The following DGKB variants were observed in gnomAD, a reference collection of about 807,000 sequenced individuals.
DGKB encodes the protein diacylglycerol kinase beta, also known as 90 kDa diacylglycerol kinase.
A neutral mutation model predicts 114.3 loss-of-function variants in DGKB; 67 were observed. The ratio of observed to expected loss-of-function variants is 0.59; its 90% CI spans 0.48 to 0.72. The LOEUF (loss-of-function observed/expected upper bound fraction) is 0.72. Ranked by LOEUF, DGKB falls within the 30% of genes least tolerant of loss-of-function variation. The pLI is 0.00. For synonymous variants in DGKB, 398 were observed against 323.1 expected (o/e 1.23, Z -2.49); for missense variants, 907 against 975.2 (o/e 0.93, Z 0.93).
In DGKB at chr7:14,512,416, T is replaced by G. The variant is rs183024464; in HGVS notation, c.1771-34191A>C. On this transcript the variant is annotated intron_variant, in intron 20 of 25. Coordinates refer to ENST00000402815, the MANE Select transcript of DGKB (RefSeq NM_001350709.2). ...GAATTTTCTCTATCAGAACTATGTTTTTCTTGTAGTATATTAACATGTTAA... is the reference window on the plus strand; with the variant it reads ...GAATTTTCTCTATCAGAACTATGTTGTTCTTGTAGTATATTAACATGTTAA... Among the ~76,000 whole-genome samples, 63 of 152,320 alleles carry G rather than the reference T, an allele frequency of 4.1e-4. 2 individuals carry two copies. The highest frequency in any genetic ancestry group is 1.4e-3 in the African/African-American group (59 of 41,576).
chr7:14,254,808 A>G (rs1795728414), intron 23 of DGKB, among the ~76,000 whole-genome samples: 2 of 152,194 alleles, frequency 1.3e-5, no homozygotes, highest in South Asian at 4.1e-4. Flanking sequence ...GAAATAAAAA[A>G]TAGAACCCAT....
intron 21 of DGKB, among the ~76,000 whole-genome samples, chr7:14,400,243 A>G (rs533757208): frequency 6.6e-6 from 1 of 151,934 alleles, no homozygotes; most frequent in African/African-American, 2.4e-5. Context: ...AGTCAGAATA[A>G]CCCACAGACT....
intron 23 of DGKB, among the ~76,000 whole-genome samples, chr7:14,242,866 G>GTTT (rs10656701): frequency 0.12 from 18,158 of 146,038 alleles, 1,227 homozygotes; most frequent in East Asian, 0.21. Context: ...TATGAAGGCT[G>GTTT]TTTTTTTTTT....
rs911453973 is a variant in DGKB, at chr7:14,429,930, C to G, written c.1835+48231G>C. ...CTACAGAGTGAGACTCTGTCCCCCC[C>G]CCCAAAAAAAAGGCAAAATGTATTT... On this transcript the variant is annotated intron_variant, in intron 21 of 25. Coordinates refer to ENST00000402815, the MANE Select transcript of DGKB (RefSeq NM_001350709.2). 5.3e-5 allele frequency among the ~76,000 whole-genome samples: 8 copies of G among 151,874 alleles called. No homozygotes were observed. The East Asian group carries it at 7.8e-4, about 15-fold the overall frequency.
intron 23 of DGKB, among the ~76,000 whole-genome samples, chr7:14,187,187 C>T (rs2128261669): frequency 6.6e-6 from 1 of 152,218 alleles, no homozygotes; most frequent in Admixed American, 6.5e-5. Context: ...TTTATAATAC[C>T]ATGTGGGGTA....
chr7:14,678,199 G>C (rs1466387386), intron 12 of DGKB, among the ~76,000 whole-genome samples: 2 of 152,006 alleles, frequency 1.3e-5, no homozygotes, highest in Non-Finnish European at 2.9e-5. Flanking sequence ...AGAACTTCAG[G>C]TGATTAGGAA....
At chr7:14,203,405 T>A (rs1448534869) in intron 23 of DGKB, among the ~76,000 whole-genome samples, 1 of 151,996 alleles carries the variant, frequency 6.6e-6, no homozygotes, top group East Asian at 1.9e-4. Flanking sequence ...TCTATTCTGA[T>A]GATGAATATA....
intron 23 of DGKB, among the ~76,000 whole-genome samples, chr7:14,273,778 A>T (rs1236654472): frequency 6.6e-6 from 1 of 152,204 alleles, no homozygotes; most frequent in Non-Finnish European, 1.5e-5. Context: ...ACTAGTAAGT[A>T]GCTTTAAGTT....
chr7:14,209,564 TG>T, intron 23 of DGKB: 1 of 492,508 alleles, frequency 2.0e-6, no homozygotes, highest in Non-Finnish European at 4.2e-6. Context: ...TAATTTAAAA[TG>T]GGGGCTCCAG....
chr7:14,970,977 A>G (rs772460170), intron 1 of DGKB, among the ~76,000 whole-genome samples: 10 of 152,296 alleles, frequency 6.6e-5, no homozygotes, highest in Non-Finnish European at 1.3e-4. Flanking sequence ...GTAAAGCCCT[A>G]AAGTTTCAAA....
chr7:14,760,139 G>T (rs950045253), intron 2 of DGKB, among the ~76,000 whole-genome samples: 5 of 152,086 alleles, frequency 3.3e-5, no homozygotes, highest in Non-Finnish European at 4.4e-5. Flanking sequence ...TCTGGGGGGT[G>T]TGTGTGTACG....
At chr7:14,410,015 G>T (rs893437378) in intron 21 of DGKB, among the ~76,000 whole-genome samples, 59 of 152,068 alleles carry the variant, frequency 3.9e-4, no homozygotes, top group African/African-American at 1.3e-3. Context: ...TTAAATTTGG[G>T]AGGGATTCAA....
Position 14,949,861 on chromosome 7 carries a change from C to A in DGKB, c.-188+24835G>T, listed in dbSNP as rs901209574. On this transcript the variant is annotated intron_variant, in intron 1 of 4. Transcript: ENST00000437998. Reference sequence around the variant, plus strand: ...GCACACTATTGCAAGGACAGAAAACCAAACACTGCATGTTCTCACTCATAG... The same window carrying A: ...GCACACTATTGCAAGGACAGAAAACAAAACACTGCATGTTCTCACTCATAG... Among the ~76,000 whole-genome samples the A allele has an allele frequency of 3.3e-5, 5 of 151,524 alleles. 1 individual carries two copies. Among genetic ancestry groups the A allele is most frequent in the African/African-American group, 1.2e-4 (5 of 41,328 alleles).
At chr7:14,513,623 T>C (rs1788315938) in intron 20 of DGKB, among the ~76,000 whole-genome samples, 1 of 152,038 alleles carries the variant, frequency 6.6e-6, no homozygotes, top group African/African-American at 2.4e-5. Context: ...GCACTATAGT[T>C]GAAGGTCATT....
intron 13 of DGKB, among the ~76,000 whole-genome samples, chr7:14,657,938 T>C (rs1226141912): frequency 1.3e-5 from 2 of 151,948 alleles, no homozygotes; most frequent in Non-Finnish European, 2.9e-5. Context: ...ACACACACCA[T>C]ACTTCTACTT....
At chr7:14,512,869 C>T (rs1046532810) in intron 20 of DGKB, among the ~76,000 whole-genome samples, 6 of 152,032 alleles carry the variant, frequency 3.9e-5, no homozygotes, top group Admixed American at 1.3e-4. Context: ...TTGAACTAAA[C>T]GAGGAGGTTT....
chr7:14,456,736 T>G (rs1490886072), intron 21 of DGKB, among the ~76,000 whole-genome samples: 1 of 152,144 alleles, frequency 6.6e-6, no homozygotes, highest in African/African-American at 2.4e-5. Flanking sequence ...GTTTCAAGTT[T>G]ATATAAAGAA....
intron 2 of DGKB, among the ~76,000 whole-genome samples, chr7:14,833,179 C>T (rs776356663): frequency 2.6e-5 from 4 of 152,024 alleles, no homozygotes; most frequent in Non-Finnish European, 5.9e-5. Context: ...CTTCATGGAA[C>T]CCCACATATT....
At chr7:14,626,564 G>A (rs1008090089) in intron 14 of DGKB, among the ~76,000 whole-genome samples, 3 of 152,164 alleles carry the variant, frequency 2.0e-5, no homozygotes, top group Non-Finnish European at 2.9e-5. Flanking sequence ...CAGGGCTTAC[G>A]AAGGTTCGGT....
Sources: allele counts gnomAD v4.1 joint callset (sites outside exome capture counted in the v4.1 genomes callset), GRCh38; gene constraint gnomAD v4.1.1; transcripts MANE v1.5; gene names NCBI Gene and HGNC (gene_info 2026-07-23, HGNC 2026-07-21).